SDHB: variants seen among roughly 807,000 people sequenced by gnomAD.
The protein encoded by SDHB is succinate dehydrogenase complex iron sulfur subunit B.
SDHB carries 21 observed loss-of-function variants against 39.7 expected under a neutral mutation model. The ratio of observed to expected loss-of-function variants is 0.53; its 90% CI spans 0.37 to 0.76. SDHB has a LOEUF of 0.76. SDHB is among the 30% of genes least tolerant of loss of function. The pLI, the probability that SDHB is intolerant of heterozygous loss-of-function variation, is 0.00. For missense variants in SDHB, 343 were observed against 350.9 expected (o/e 0.98, Z 0.18); for synonymous variants, 118 against 117.0 (o/e 1.01, Z -0.06).
intron 2 of SDHB, among the ~76,000 whole-genome samples, chr1:17,033,819 G>C (rs530080681): frequency 6.6e-6 from 1 of 152,304 alleles, no homozygotes; most frequent in Non-Finnish European, 1.5e-5. Context: ...GATTGCTGGA[G>C]GTGAGTTAAT....
At position 17,028,517 on chromosome 1, in the gene SDHB, G is replaced by T. The variant is rs150146676; in HGVS notation, c.423+83C>A. On this transcript the variant is annotated intron_variant, in intron 4 of 7. Coordinates refer to ENST00000375499, the MANE Select transcript of SDHB (RefSeq NM_003000.3). ...AGCCTTAAATACTCAAACAAATCCTGCCCTGAAAAACTAATAGCGTAACAC... is the reference window on the plus strand; with the variant it reads ...AGCCTTAAATACTCAAACAAATCCTTCCCTGAAAAACTAATAGCGTAACAC... The T allele has an allele frequency of 1.8e-3, 2,610 of 1,450,048 alleles. 11 individuals are homozygous for T. The highest frequency in any genetic ancestry group is 5.9e-3 in the Middle Eastern group (34 of 5,772). 89.8% of individuals were successfully genotyped at this position (1,450,048 alleles called of 1,614,324 possible).
intron 1 of SDHB, chr1:17,045,175 G>A (rs532250780): frequency 4.6e-5 from 19 of 416,672 alleles, no homozygotes; most frequent in African/African-American, 2.6e-4. Flanking sequence ...AAACATTCAC[G>A]ATGAATATAA....
intron 1 of SDHB, among the ~76,000 whole-genome samples, chr1:17,053,225 A>G (rs2078158287): frequency 6.6e-6 from 1 of 152,210 alleles, no homozygotes; most frequent in African/African-American, 2.4e-5. Flanking sequence ...CACACGGCAT[A>G]GTAATAAACA....
At chr1:17,052,401 G>A (rs1202856455) in intron 1 of SDHB, 1 of 152,214 alleles carries the variant, frequency 6.6e-6, no homozygotes, top group African/African-American at 2.4e-5. Flanking sequence ...ATTCCCACAA[G>A]GAAGGGGAGG....
intron 2 of SDHB, 24 bp from the exon 3 acceptor site, chr1:17,033,169 G>C (rs541059865): frequency 1.0e-5 from 16 of 1,551,750 alleles, no homozygotes; most frequent in African/African-American, 1.4e-5. Context: ...ATATCCAGTG[G>C]TATTTATGTA....
intron 2 of SDHB, among the ~76,000 whole-genome samples, chr1:17,036,822 A>G (rs1253146045): frequency 6.7e-6 from 1 of 149,608 alleles, no homozygotes; most frequent in African/African-American, 2.4e-5. Context: ...ACACACACAC[A>G]CATTTTTTCT....
chr1:17,032,060 T>C (rs996011585), intron 3 of SDHB, among the ~76,000 whole-genome samples: 16 of 152,364 alleles, frequency 1.1e-4, no homozygotes, highest in Middle Eastern at 3.4e-3. Context: ...CACTGCACCC[T>C]GTGCAATTTT....
chr1:17,027,745 T>C lies in SDHB; in HGVS notation c.540+4A>G, dbSNP rs1557741074. On this transcript the variant is annotated splice_donor_region_variant and intron_variant, in intron 5 of 7. Transcript: ENST00000375499. Reference sequence around the variant, plus strand: ...GATTGAAACAATAAATAGGGACTAATGACCAGTTTCTCACGCTCTTCTATG... The same window carrying C: ...GATTGAAACAATAAATAGGGACTAACGACCAGTTTCTCACGCTCTTCTATG... The C allele has an allele frequency of 4.7e-6, 7 of 1,487,378 alleles. No individual in the cohort carries two copies. Among genetic ancestry groups the C allele is most frequent in the Non-Finnish European group, 6.6e-6 (7 of 1,064,466 alleles). The allele number at this position is 1,487,378 out of a possible 1,614,324, so 92.1% of individuals were successfully genotyped here.
chr1:17,038,395 GTA>G (rs2078061661), intron 2 of SDHB, among the ~76,000 whole-genome samples: 1 of 152,100 alleles, frequency 6.6e-6, no homozygotes, highest in African/African-American at 2.4e-5. Flanking sequence ...CACACAAATA[GTA>G]TTTTGCATAT....
At chr1:17,021,277 C>G (rs1195400161) in intron 7 of SDHB, among the ~76,000 whole-genome samples, 1 of 152,170 alleles carries the variant, frequency 6.6e-6, no homozygotes, top group African/African-American at 2.4e-5. Flanking sequence ...GAGTAAGTTC[C>G]TGATAAAAGG....
chr1:17,038,829 CTG>C (rs2078063431), intron 2 of SDHB, among the ~76,000 whole-genome samples: 1 of 152,156 alleles, frequency 6.6e-6, no homozygotes, highest in Admixed American at 6.5e-5. Context: ...AATATACACA[CTG>C]TGAAAATTAT....
At chr1:17,050,370 C>T (rs1294357383) in intron 1 of SDHB, among the ~76,000 whole-genome samples, 1 of 151,618 alleles carries the variant, frequency 6.6e-6, no homozygotes, top group Non-Finnish European at 1.5e-5. Context: ...TTTTATAGGC[C>T]AGGCGTGGTG....
intron 2 of SDHB, among the ~76,000 whole-genome samples, chr1:17,034,567 G>C (rs1167130474): frequency 6.6e-6 from 1 of 151,568 alleles, no homozygotes; most frequent in Non-Finnish European, 1.5e-5. Flanking sequence ...TTTTAGTAGA[G>C]ATAGGTTTTC....
intron 6 of SDHB, among the ~76,000 whole-genome samples, chr1:17,023,613 A>G (rs993110462): frequency 2.2e-4 from 33 of 152,234 alleles, no homozygotes; most frequent in African/African-American, 7.7e-4. Flanking sequence ...CTGCCCTTCA[A>G]AGACACTGCT....
chr1:17,039,114 A>T (rs2078065070), intron 2 of SDHB, among the ~76,000 whole-genome samples: 1 of 152,058 alleles, frequency 6.6e-6, no homozygotes, highest in African/African-American at 2.4e-5. Flanking sequence ...CATTCAATAC[A>T]GTTATTGACG....
rs533309234 is a variant in SDHB, at chr1:17,028,886, C to T, written c.287-150G>A. On this transcript the variant is annotated intron_variant, in intron 3 of 7. Transcript: ENST00000375499. ...ACAGAGGTGCCTGTTGGCTTTTCTC[C>T]CTTCCTTCCTTCTTCCTGCCTCGAA... 1.5e-4 allele frequency: 141 copies of T among 917,612 alleles called. No homozygotes were observed. In the African/African-American group the frequency reaches 2.2e-3, roughly 14 times the overall value. 56.8% of individuals were successfully genotyped at this position (917,612 alleles called of 1,614,324 possible).
chr1:17,021,206 C>T (rs2077960367), intron 7 of SDHB, among the ~76,000 whole-genome samples: 1 of 152,202 alleles, frequency 6.6e-6, no homozygotes. Context: ...GAGGTGGGAC[C>T]TTTAAGAAGT....
chr1:17,038,941 T>C (rs2078064115), intron 2 of SDHB, among the ~76,000 whole-genome samples: 1 of 152,218 alleles, frequency 6.6e-6, no homozygotes, highest in Non-Finnish European at 1.5e-5. Flanking sequence ...TCCCCCTTTA[T>C]TCTGTTAATA....
chr1:17,023,129 A>C, intron 6 of SDHB: 1 of 337,308 alleles, frequency 3.0e-6, no homozygotes, highest in Non-Finnish European at 5.9e-6. Context: ...TAAAGGAATG[A>C]TTTAACAGAC....
Sources: allele counts gnomAD v4.1 joint callset (sites outside exome capture counted in the v4.1 genomes callset), GRCh38; gene constraint gnomAD v4.1.1; transcripts MANE v1.5; gene names NCBI Gene and HGNC (gene_info 2026-07-23, HGNC 2026-07-21).